Variants in SRL observed in about 807,000 individuals in gnomAD.
The protein encoded by SRL is sarcalumenin.
In SRL, 23 loss-of-function variants were observed where a neutral mutation model predicts 39.5. That is an observed-to-expected ratio of 0.58 (90% CI 0.42 to 0.82). The LOEUF (loss-of-function observed/expected upper bound fraction) is 0.82. SRL is among the 40% of genes least tolerant of loss of function. The pLI is 0.00. For synonymous variants in SRL, 272 were observed against 237.4 expected, an observed-to-expected ratio of 1.15 and a Z score of -1.34; for missense variants, 592 against 607.8, an observed-to-expected ratio of 0.97 and a Z score of 0.27.
intron 5 of SRL, among the ~76,000 whole-genome samples, chr16:4,195,243 C>G (rs1326073335): frequency 6.6e-6 from 1 of 152,118 alleles, no homozygotes; most frequent in Non-Finnish European, 1.5e-5. Context: ...CTTGCCCAGG[C>G]TGGAGTAGAG....
In SRL at chr16:4,192,834, T is replaced by G. The variant is rs2052086304; in HGVS notation, c.741A>C (p.Glu247Asp). The G allele has an allele frequency of 6.2e-7, 1 of 1,614,056 alleles. No individual in the cohort carries two copies. Among genetic ancestry groups the G allele is most frequent in the Non-Finnish European group, 8.5e-7 (1 of 1,180,048 alleles). Reference protein sequence around the residue: ...EMLFRQLKGRESQIRIILNKA... With the variant: ...EMLFRQLKGRDSQIRIILNKA... Reference sequence around the variant, plus strand: ...TGTTCAGGATGATCCTTATCTGGGATTCACGCCCCTTCAACTGGCGGAAGA... The same window carrying G: ...TGTTCAGGATGATCCTTATCTGGGAGTCACGCCCCTTCAACTGGCGGAAGA... The change falls in exon 6 of 6, where the codon GAA becomes GAC. Residue 247 changes from glutamate (E) to aspartate (D), a missense_variant. Coordinates refer to ENST00000399609, the MANE Select transcript of SRL (RefSeq NM_001098814.2). This position sits in a 1 kb window ranked among gnomAD's most constrained non-coding sequence, Gnocchi z 4.0.
chr16:4,221,382 G>A (rs570089655), intron 1 of SRL, among the ~76,000 whole-genome samples: 40 of 152,254 alleles, frequency 2.6e-4, no homozygotes, highest in African/African-American at 8.9e-4. Flanking sequence ...GCAGCCTCAT[G>A]GCCACACAGC....
At chr16:4,196,852 C>T (rs983758197) in intron 4 of SRL, among the ~76,000 whole-genome samples, 1 of 152,078 alleles carries the variant, frequency 6.6e-6, no homozygotes, top group Non-Finnish European at 1.5e-5. Context: ...AGCATAATGT[C>T]TTCATGGTTC....
intron 1 of SRL, among the ~76,000 whole-genome samples, chr16:4,229,360 C>T (rs1299777470): frequency 6.6e-6 from 1 of 151,706 alleles, no homozygotes; most frequent in Non-Finnish European, 1.5e-5. Context: ...AGGAGAATGG[C>T]GTGAACATGA....
rs2052080245 is a variant in SRL at position 4,192,498 on chromosome 16, G to T, written c.1077C>A (p.Thr359=). The T allele has an allele frequency of 6.2e-7, 1 of 1,614,080 alleles. No homozygotes were observed. The highest frequency in any genetic ancestry group is 1.3e-5 in the African/African-American group (1 of 74,924). The change falls in exon 6 of 6, where the codon ACC becomes ACA. Residue 359 remains threonine, a synonymous_variant. Transcript: ENST00000399609. This position sits in a 1 kb window ranked among gnomAD's most constrained non-coding sequence, Gnocchi z 4.0. ...RYLQTYKDKM[T]FFSDGELVFK... Reference sequence around the variant, plus strand: ...AGACCAGTTCTCCATCACTGAAGAAGGTCATTTTGTCCTTGTAAGTCTGCA... The same window carrying T: ...AGACCAGTTCTCCATCACTGAAGAATGTCATTTTGTCCTTGTAAGTCTGCA...
chr16:4,219,506 T>G (rs1253791037), intron 1 of SRL, among the ~76,000 whole-genome samples: 1 of 152,070 alleles, frequency 6.6e-6, no homozygotes. Flanking sequence ...CAGGCTGGAG[T>G]GCAGTAGCGC....
In SRL at chr16:4,190,731, G is replaced by A. The variant is rs1018129690; in HGVS notation, c.*1422C>T. 2.5e-5 allele frequency: 9 copies of A among 356,596 alleles called. No homozygotes were observed. Among genetic ancestry groups the A allele is most frequent in the Admixed American group, 1.9e-4 (4 of 21,302 alleles). The allele number at this position is 356,596 out of a possible 1,614,324, so 22.1% of individuals were successfully genotyped here. A position where few individuals can be genotyped will look rare whatever the true frequency, so the allele number is the denominator to read the frequency against. On this transcript the variant is annotated 3_prime_UTR_variant, in exon 6 of 6. Transcript: ENST00000399609. ...GTGGACATCTGCATCAAGGTCAGGCGGGAAGGTCAATGTTAAGCCTTGGTG... is the reference window on the plus strand; with the variant it reads ...GTGGACATCTGCATCAAGGTCAGGCAGGAAGGTCAATGTTAAGCCTTGGTG...
intron 1 of SRL, among the ~76,000 whole-genome samples, chr16:4,226,728 G>T (rs2141061714): frequency 6.6e-6 from 1 of 152,068 alleles, no homozygotes; most frequent in Admixed American, 6.5e-5. Flanking sequence ...AAATATGGAT[G>T]AACAGATGGA....
intron 1 of SRL, among the ~76,000 whole-genome samples, chr16:4,232,698 G>C (rs940768476): frequency 2.2e-4 from 33 of 152,164 alleles, no homozygotes; most frequent in Admixed American, 1.3e-4. Flanking sequence ...TTTTTGTAGA[G>C]ATGGGGTTTC....
Position 4,189,861 on chromosome 16 carries a change from G to C in SRL, c.*2292C>G, listed in dbSNP as rs13338288. ...TTTCCCCTGACTACACAGAAAAACA[G>C]ATCTGCCAAAGCAGCTCACAGCATG... On this transcript the variant is annotated 3_prime_UTR_variant, in exon 6 of 6. Coordinates refer to ENST00000399609, the MANE Select transcript of SRL (RefSeq NM_001098814.2). 3,098 of 164,010 alleles carry C rather than the reference G, an allele frequency of 0.019. 103 individuals are homozygous for C. The highest frequency in any genetic ancestry group is 0.067 in the African/African-American group (2,823 of 41,974). The allele number at this position is 164,010 out of a possible 1,614,324, so 10.2% of individuals were successfully genotyped here.
intron 1 of SRL, chr16:4,206,617 CCTGCCACCCT>C (rs2052321720): frequency 2.2e-6 from 1 of 447,558 alleles, no homozygotes; most frequent in African/African-American, 2.0e-5. Flanking sequence ...GTGAAAAGGG[CCTGCCACCCT>C]CTGCCACCTT....
chr16:4,241,313 C>A (rs1003822593), intron 1 of SRL, among the ~76,000 whole-genome samples: 6 of 152,188 alleles, frequency 3.9e-5, no homozygotes, highest in African/African-American at 1.2e-4. Flanking sequence ...AAGCCACCAC[C>A]TCTGCTACCC....
intron 1 of SRL, among the ~76,000 whole-genome samples, chr16:4,206,346 G>C (rs2052318064): frequency 6.6e-6 from 1 of 152,178 alleles, no homozygotes; most frequent in South Asian, 2.1e-4. Context: ...GGAATCACCA[G>C]GGAAGTTCCC....
At chr16:4,213,257 T>G (rs1048438354) in intron 1 of SRL, among the ~76,000 whole-genome samples, 2 of 152,092 alleles carry the variant, frequency 1.3e-5, no homozygotes, top group African/African-American at 4.8e-5. Flanking sequence ...AGAGAAAGAC[T>G]GCAGGGAGAT....
chr16:4,239,642 G>C (rs2052750450), intron 1 of SRL: 1 of 152,412 alleles, frequency 6.6e-6, no homozygotes, highest in African/African-American at 2.4e-5. Context: ...ACCGTACAGG[G>C]AGAGAGGGGC....
At chr16:4,231,048 T>G (rs138748572) in intron 1 of SRL, among the ~76,000 whole-genome samples, 299 of 152,246 alleles carry the variant, frequency 2.0e-3, no homozygotes, top group African/African-American at 6.9e-3. Flanking sequence ...CCAGGCACTG[T>G]GGCTCACACC....
chr16:4,197,944 T>A (rs1157069860), intron 3 of SRL, 29 bp from the exon 4 acceptor site: 1 of 1,483,364 alleles, frequency 6.7e-7, no homozygotes, highest in Non-Finnish European at 9.4e-7. Context: ...AGAAATGGAA[T>A]AAAACTAACA....
At chr16:4,196,266 T>C (rs1219961218) in intron 4 of SRL, among the ~76,000 whole-genome samples, 1 of 152,078 alleles carries the variant, frequency 6.6e-6, no homozygotes, top group Non-Finnish European at 1.5e-5. Flanking sequence ...GGCCTAAATT[T>C]ACCATTTTAA....
At chr16:4,198,840 C>G (rs1322617095) in intron 3 of SRL, among the ~76,000 whole-genome samples, 1 of 152,222 alleles carries the variant, frequency 6.6e-6, no homozygotes, top group Non-Finnish European at 1.5e-5. Flanking sequence ...TTCTTGGGTC[C>G]TGCATCCAAT....
Sources: allele counts gnomAD v4.1 joint callset (sites outside exome capture counted in the v4.1 genomes callset), GRCh38; gene constraint gnomAD v4.1.1; non-coding constraint Gnocchi (gnomAD v3.1); transcripts MANE v1.5; gene names NCBI Gene and HGNC (gene_info 2026-07-23, HGNC 2026-07-21).